Variants in SMCO2 observed in about 807,000 individuals in gnomAD.
SMCO2 encodes the protein single-pass membrane protein with coiled-coil domains 2.
A neutral mutation model predicts 29.5 loss-of-function variants in SMCO2; 25 were observed. The observed-to-expected ratio is 0.85, with a 90% CI of 0.62 to 1.18. The LOEUF is 1.18. Among genes scored for constraint, SMCO2 ranks in the 50% most tolerant of loss-of-function variants. SMCO2 has a pLI of 0.00. For missense variants in SMCO2, 348 were observed against 344.5 expected (o/e 1.01, Z -0.08); for synonymous variants, 117 against 123.3 (o/e 0.95, Z 0.34).
At chr12:27,501,415 C>CAAAAAAAAAAAA (rs540673188) in intron 7 of SMCO2, among the ~76,000 whole-genome samples, 2 of 85,864 alleles carry the variant, frequency 2.3e-5, no homozygotes, top group Non-Finnish European at 2.2e-5. Context: ...GACTCCGTCT[C>CAAAAAAAAAAAA]AAAAAAAAAA....
At position 27,485,097 on chromosome 12, in the gene SMCO2, G is replaced by C. The variant is rs187361392; in HGVS notation, c.363-3363G>C. Among the ~76,000 whole-genome samples the C allele has an allele frequency of 2.0e-3, 299 of 151,532 alleles. 2 individuals are homozygous for C. Among genetic ancestry groups the C allele is most frequent in the African/African-American group, 6.8e-3 (282 of 41,448 alleles). The stretch of plus-strand genomic sequence containing the variant: ...CATGTGTCTTAGGCCACTTTAGGTT[G>C]TCTCATAACCCATAACTCACTGATG... On this transcript the variant is annotated intron_variant, in intron 4 of 7. Transcript: ENST00000298876.
the SMCO2 span, among the ~76,000 whole-genome samples, chr12:27,430,961 C>T: frequency 6.6e-6 from 1 of 152,018 alleles, no homozygotes; most frequent in Non-Finnish European, 1.5e-5. Context: ...ACCCCCTGAA[C>T]TCAAAGCACA....
chr12:27,445,562 A>G, the SMCO2 span, among the ~76,000 whole-genome samples: 1 of 152,242 alleles, frequency 6.6e-6, no homozygotes, highest in Non-Finnish European at 1.5e-5. Context: ...TTCAAAACTG[A>G]AAACTTGCAA....
chr12:27,460,935 G>A, the SMCO2 span, among the ~76,000 whole-genome samples: 545 of 152,300 alleles, frequency 3.6e-3, 3 homozygotes, highest in Non-Finnish European at 4.9e-3. Context: ...TTCTGTGCAA[G>A]GGCATGATAT....
chr12:27,493,516 G>A (rs533380818), intron 5 of SMCO2, among the ~76,000 whole-genome samples: 21 of 151,326 alleles, frequency 1.4e-4, no homozygotes, highest in African/African-American at 5.1e-4. Context: ...CTGGATGTCC[G>A]AATGAGACCT....
chr12:27,471,986 G>T (rs1291574321), intron 2 of SMCO2, among the ~76,000 whole-genome samples: 2 of 152,110 alleles, frequency 1.3e-5, no homozygotes, highest in Non-Finnish European at 1.5e-5. Flanking sequence ...GATGTGTAAG[G>T]ATATTCATTC....
chr12:27,451,740 A>T, the SMCO2 span, among the ~76,000 whole-genome samples: 1 of 152,188 alleles, frequency 6.6e-6, no homozygotes, highest in African/African-American at 2.4e-5. Context: ...GGGGGTTGCA[A>T]ACAAACTGTA....
At chr12:27,460,224 G>T in the SMCO2 span, among the ~76,000 whole-genome samples, 1 of 152,084 alleles carries the variant, frequency 6.6e-6, no homozygotes, top group Admixed American at 6.5e-5. Context: ...AAGGTGTTTA[G>T]GACAGTTATT....
intron 7 of SMCO2, chr12:27,496,812 G>A (rs1943010508): frequency 6.6e-6 from 1 of 150,698 alleles, no homozygotes; most frequent in Non-Finnish European, 1.5e-5. Context: ...GACAGCCCAT[G>A]GCATGTTATT....
rs753249800 is a variant in SMCO2 at position 27,500,038 on chromosome 12, G to T, written c.684-1885G>T. Among the ~76,000 whole-genome samples the T allele has an allele frequency of 7.3e-5, 11 of 150,436 alleles. 1 individual carries two copies. The highest frequency in any genetic ancestry group is 1.5e-4 in the Non-Finnish European group (10 of 67,850). On this transcript the variant is annotated intron_variant, in intron 7 of 7. Transcript: ENST00000298876. ...AATAAATAGTATTCAAAAGTTAAAA[G>T]AATATTTTATTATTTACCAAAGATG... is the stretch of plus-strand genomic sequence containing the variant.
intron 4 of SMCO2, among the ~76,000 whole-genome samples, chr12:27,478,094 T>C (rs972874067): frequency 5.3e-5 from 8 of 152,172 alleles, no homozygotes; most frequent in African/African-American, 1.9e-4. Context: ...GTATTTATAG[T>C]GTTAGTTGAG....
the SMCO2 span, among the ~76,000 whole-genome samples, chr12:27,444,280 A>G: frequency 6.6e-6 from 1 of 152,228 alleles, no homozygotes; most frequent in Non-Finnish European, 1.5e-5. Context: ...TGCTGGGGAA[A>G]CTGGATAACT....
rs1942955450 is a variant in SMCO2, at chr12:27,493,515, C to T, written c.451-785C>T. On this transcript the variant is annotated intron_variant, in intron 5 of 7. Transcript: ENST00000298876. ...ACCACTGCACTCCAGCCTGGATGTC[C>T]GAATGAGACCTTGTCTCAAAAAAAA... 2.0e-5 allele frequency among the ~76,000 whole-genome samples: 3 copies of T among 151,064 alleles called. No homozygotes were observed. The South Asian group carries it at 6.3e-4, about 32-fold the overall frequency.
chr12:27,484,871 AATAT>A (rs775572569), intron 4 of SMCO2, among the ~76,000 whole-genome samples: 831 of 77,142 alleles, frequency 0.011, 11 homozygotes, highest in Middle Eastern at 0.034. Flanking sequence ...AAAAAAAAAA[AATAT>A]ATATATATAT....
intron 4 of SMCO2, among the ~76,000 whole-genome samples, chr12:27,485,960 C>T (rs1423640200): frequency 2.6e-5 from 4 of 152,192 alleles, no homozygotes; most frequent in Non-Finnish European, 5.9e-5. Context: ...TATTGTAGGG[C>T]AGGACCAAAG....
At chr12:27,444,249 G>A in the SMCO2 span, among the ~76,000 whole-genome samples, 1 of 152,286 alleles carries the variant, frequency 6.6e-6, no homozygotes, top group South Asian at 2.1e-4. Context: ...ATAGGGAAAG[G>A]ACAGTCTTTC....
chr12:27,430,407 A>G, the SMCO2 span, among the ~76,000 whole-genome samples: 2 of 152,198 alleles, frequency 1.3e-5, no homozygotes, highest in Non-Finnish European at 2.9e-5. Context: ...AACAGAGGGA[A>G]TAGTGGCTTT....
At chr12:27,473,569 C>G (rs117521884) in intron 3 of SMCO2, among the ~76,000 whole-genome samples, 1,776 of 152,196 alleles carry the variant, frequency 0.012, 12 homozygotes, top group Non-Finnish European at 0.018. Flanking sequence ...TTGTTTGGGA[C>G]CACCACTTAA....
intron 4 of SMCO2, among the ~76,000 whole-genome samples, chr12:27,482,139 G>A (rs1949649283): frequency 6.6e-6 from 1 of 151,636 alleles, no homozygotes; most frequent in African/African-American, 2.4e-5. Context: ...ATAATAATCA[G>A]TTAGTGCTCT....
Sources: allele counts gnomAD v4.1 joint callset (sites outside exome capture counted in the v4.1 genomes callset), GRCh38; gene constraint gnomAD v4.1.1; transcripts MANE v1.5; gene names NCBI Gene and HGNC (gene_info 2026-07-23, HGNC 2026-07-21).